Variants in GAS6 observed in about 807,000 individuals in gnomAD.
The protein encoded by GAS6 is growth arrest-specific protein 6.
In GAS6, 41 loss-of-function variants were observed where a neutral mutation model predicts 75.8. That is an observed-to-expected ratio of 0.54 (90% CI 0.42 to 0.70). The LOEUF (loss-of-function observed/expected upper bound fraction) is 0.70. Among genes scored for constraint, GAS6 ranks in the 30% least tolerant of loss-of-function variants. The pLI is 0.00. For synonymous variants in GAS6, 432 were observed against 412.6 expected (o/e 1.05, Z -0.57); for missense variants, 854 against 940.2 (o/e 0.91, Z 1.20).
chr13:113,859,254 G>A (rs569648835), intron 2 of GAS6, among the ~76,000 whole-genome samples: 2 of 151,606 alleles, frequency 1.3e-5, no homozygotes, highest in South Asian at 2.1e-4. Flanking sequence ...ATGTATGCAT[G>A]TCTGTGTGAC....
intron 14 of GAS6, 43 bp from the exon 15 acceptor site, chr13:113,821,061 G>C: frequency 1.3e-6 from 2 of 1,593,114 alleles, no homozygotes; most frequent in Non-Finnish European, 1.7e-6. Flanking sequence ...CTCACCACGT[G>C]GCCGGCCCCG....
intron 13 of GAS6, 158 bp downstream of exon 13, chr13:113,823,217 G>A (rs763003421): frequency 3.9e-6 from 3 of 766,604 alleles, no homozygotes; most frequent in Non-Finnish European, 6.0e-6. Context: ...AGCCCGAAGC[G>A]TGGCCCACGC....
In GAS6 at chr13:113,828,696, GCTC is replaced by G; in HGVS notation, c.1156_1158del (p.Glu386del). On this transcript the variant is annotated inframe_deletion, in exon 11 of 15. Coordinates refer to ENST00000327773, the MANE Select transcript of GAS6 (RefSeq NM_000820.4). ...ACCTTGATGACCAGATTCCGCGCCA[GCTC>G]CTCAACAGAGATCTGAAGAGAGGCA... The G allele has an allele frequency of 6.2e-7, 1 of 1,613,364 alleles. No homozygotes were observed. Among genetic ancestry groups the G allele is most frequent in the Admixed American group, 1.7e-5 (1 of 60,012 alleles).
chr13:113,828,841 A>G, intron 10 of GAS6, 130 bp from the exon 11 acceptor site: 1 of 973,580 alleles, frequency 1.0e-6, no homozygotes, highest in Non-Finnish European at 1.5e-6. Context: ...CCTGATCCTC[A>G]CCTGGGCCAA....
rs2051448490 is a variant in GAS6 at position 113,820,979 on chromosome 13, C to T, written c.1922G>A (p.Arg641His). The change falls in exon 15 of 15, where the codon CGC becomes CAC. Residue 641 changes from arginine (R) to histidine (H), a missense_variant. Physicochemically the swap from Arg to His is conservative, Grantham distance 29. Transcript: ENST00000327773. ...VTSAPVTAFY[R>H]GCMTLEVNRR... ...GTTGACCTCCAGTGTCATGCAGCCGCGGTAGAACGCGGTGACTGGCGCTGA... is the reference window on the plus strand; with the variant it reads ...GTTGACCTCCAGTGTCATGCAGCCGTGGTAGAACGCGGTGACTGGCGCTGA... The T allele has an allele frequency of 2.0e-5, 33 of 1,612,574 alleles. No individual in the cohort carries two copies. Among genetic ancestry groups the T allele is most frequent in the Non-Finnish European group, 2.7e-5 (32 of 1,179,894 alleles).
chr13:113,827,911 G>A (rs886500688), intron 11 of GAS6, among the ~76,000 whole-genome samples: 11 of 152,170 alleles, frequency 7.2e-5, no homozygotes, highest in African/African-American at 2.7e-4. Context: ...TTCCCCTTAT[G>A]AGACTCACGG....
At chr13:113,847,941 T>C in intron 3 of GAS6, 85 bp downstream of exon 3, 1 of 1,218,264 alleles carries the variant, frequency 8.2e-7, no homozygotes, top group Non-Finnish European at 1.2e-6. Flanking sequence ...AAGAGTTACG[T>C]GGTGAGGAGA....
rs1262723106 is a variant in GAS6, at chr13:113,821,018, T to G, written c.1883A>C (p.Asp628Ala). 1 of 1,612,160 alleles carries G rather than the reference T, an allele frequency of 6.2e-7. No homozygotes were observed. The highest frequency in any genetic ancestry group is 1.3e-5 in the African/African-American group (1 of 74,902). The change falls in exon 15 of 15, where the codon GAT becomes GCT. Residue 628 changes from aspartate to alanine, a missense_variant and splice_region_variant. Coordinates refer to ENST00000327773, the MANE Select transcript of GAS6 (RefSeq NM_000820.4). ...PVLTFAGGLP[D>A]VPVTSAPVTA... ...GACTGGCGCTGAAGTCACCGGCACA[T>G]CTGGGCCGCAGGGAGAGAACAACAT...
At chr13:113,835,160 T>G (rs1007487857) in intron 7 of GAS6, among the ~76,000 whole-genome samples, 1 of 152,170 alleles carries the variant, frequency 6.6e-6, no homozygotes, top group African/African-American at 2.4e-5. Context: ...AACAGGGCCC[T>G]CCCCATGGCG....
At chr13:113,862,623 G>A (rs2051981338) in intron 2 of GAS6, among the ~76,000 whole-genome samples, 1 of 152,232 alleles carries the variant, frequency 6.6e-6, no homozygotes, top group African/African-American at 2.4e-5. Flanking sequence ...CAAGTGCACA[G>A]TGGCCATCTG....
Position 113,859,308 on chromosome 13 carries a change from GTC to G in GAS6, c.255+4265_255+4266del, listed in dbSNP as rs1441263441. Among the ~76,000 whole-genome samples, 11 of 150,924 alleles carry G rather than the reference GTC, an allele frequency of 7.3e-5. No homozygotes were observed. In the South Asian group the frequency reaches 1.3e-3, roughly 18 times the overall value. On this transcript the variant is annotated intron_variant, in intron 2 of 14. Coordinates refer to ENST00000327773, the MANE Select transcript of GAS6 (RefSeq NM_000820.4). The stretch of plus-strand genomic sequence containing the variant: ...TGAATGTGTGCATGTATGTGTACAT[GTC>G]TGTTAGTATGTGTGTGCATGTCATT...
At chr13:113,859,156 A>T (rs1360135242) in intron 2 of GAS6, among the ~76,000 whole-genome samples, 1 of 148,636 alleles carries the variant, frequency 6.7e-6, no homozygotes, top group African/African-American at 2.5e-5. Context: ...GTGTGCATGT[A>T]TGTGTACATG....
chr13:113,829,962 T>G (rs1406351169), intron 10 of GAS6, among the ~76,000 whole-genome samples: 1 of 146,928 alleles, frequency 6.8e-6, no homozygotes, highest in Non-Finnish European at 1.5e-5. Context: ...AAGAGGGACC[T>G]GACCTCAAGG....
chr13:113,830,011 C>A (rs918912498), intron 10 of GAS6, among the ~76,000 whole-genome samples: 6 of 152,200 alleles, frequency 3.9e-5, no homozygotes, highest in African/African-American at 1.4e-4. Context: ...AGGGTCCCAA[C>A]CTCAGAGAGT....
chr13:113,830,921 C>T (rs2080134327), intron 10 of GAS6, among the ~76,000 whole-genome samples: 1 of 152,394 alleles, frequency 6.6e-6, no homozygotes, highest in South Asian at 2.1e-4. Flanking sequence ...TTGCTGAGAA[C>T]AGCCTCCTGC....
At position 113,825,510 on chromosome 13, in the gene GAS6, T is replaced by G. The variant is rs12859529; in HGVS notation, c.1477+1486A>C. On this transcript the variant is annotated intron_variant, in intron 12 of 14. Transcript: ENST00000327773. The stretch of plus-strand genomic sequence containing the variant: ...GGTATAGTTTGAGATTCACTGGAAA[T>G]GCATGGAGCTGTAACTGCTTCTGTC... 2.4e-3 allele frequency among the ~76,000 whole-genome samples: 358 copies of G among 152,170 alleles called. 4 individuals are homozygous for G. Among genetic ancestry groups the G allele is most frequent in the African/African-American group, 8.0e-3 (333 of 41,534 alleles).
intron 12 of GAS6, among the ~76,000 whole-genome samples, chr13:113,826,224 G>A (rs1427450246): frequency 1.3e-5 from 2 of 152,188 alleles, no homozygotes; most frequent in Non-Finnish European, 2.9e-5. Context: ...CAGCTTCACG[G>A]CTGTTTTTAC....
intron 7 of GAS6, among the ~76,000 whole-genome samples, chr13:113,835,265 G>T (rs2051687695): frequency 2.0e-5 from 3 of 152,262 alleles, no homozygotes. Flanking sequence ...ACACACGTGT[G>T]TACATGCGGT....
chr13:113,851,089 G>A (rs2051869981), intron 2 of GAS6, among the ~76,000 whole-genome samples: 1 of 151,522 alleles, frequency 6.6e-6, no homozygotes, highest in Non-Finnish European at 1.5e-5. Flanking sequence ...GTGGATGGAT[G>A]AGTGGGTGGA....
Sources: allele counts gnomAD v4.1 joint callset (sites outside exome capture counted in the v4.1 genomes callset), GRCh38; gene constraint gnomAD v4.1.1; transcripts MANE v1.5; gene names NCBI Gene and HGNC (gene_info 2026-07-23, HGNC 2026-07-21).